Variants in TENM3 observed in about 807,000 individuals in gnomAD.
TENM3 encodes the protein teneurin-3.
A neutral mutation model predicts 255.1 loss-of-function variants in TENM3; 63 were observed. That is an observed-to-expected ratio of 0.25 (90% CI 0.20 to 0.30). The LOEUF is 0.30. Ranked by LOEUF, TENM3 falls within the 10% of genes least tolerant of loss-of-function variation. The pLI, the probability that TENM3 is intolerant of heterozygous loss-of-function variation, is 1.00. For missense variants in TENM3, 2,929 were observed against 3,461.1 expected (o/e 0.85, Z 3.86); for synonymous variants, 1,306 against 1,322.3 (o/e 0.99, Z 0.27).
chr4:182,245,647 A>G (rs1561237645), intron 1 of TENM3, among the ~76,000 whole-genome samples: 1 of 152,182 alleles, frequency 6.6e-6, no homozygotes, highest in Admixed American at 6.5e-5. Flanking sequence ...AGTCCCTGCC[A>G]GAATCTTTTG....
At chr4:182,155,096 G>A (rs962877018) in intron 1 of TENM3, among the ~76,000 whole-genome samples, 4 of 152,080 alleles carry the variant, frequency 2.6e-5, no homozygotes, top group African/African-American at 9.6e-5. Flanking sequence ...CAAGACAATT[G>A]GTTCTATTCA....
chr4:182,540,216 G>A (rs556989506), intron 3 of TENM3, among the ~76,000 whole-genome samples: 22 of 152,298 alleles, frequency 1.4e-4, no homozygotes, highest in South Asian at 1.0e-3. Context: ...ATGGTGGAGG[G>A]AGGAAGAGGG....
rs973338002 is a variant in TENM3, at chr4:182,565,719, A to G, written c.512-35205A>G. ...AGAAAACACATTTCTTGCTTGCTAT[A>G]TGTAGCAGGATTAGACATCTACAGC... On this transcript the variant is annotated intron_variant, in intron 3 of 27. Coordinates refer to ENST00000511685, the MANE Select transcript of TENM3 (RefSeq NM_001080477.4). 4.6e-5 allele frequency among the ~76,000 whole-genome samples: 7 copies of G among 152,320 alleles called. No individual in the cohort carries two copies. In the East Asian group the frequency reaches 9.6e-4, roughly 21 times the overall value.
intron 3 of TENM3, among the ~76,000 whole-genome samples, chr4:182,567,126 C>T (rs1304229085): frequency 3.9e-5 from 6 of 152,106 alleles, no homozygotes; most frequent in African/African-American, 1.2e-4. Context: ...AAACGTAGGT[C>T]GTAGAGCGCA....
chr4:182,509,976 A>G (rs901077305), intron 3 of TENM3, among the ~76,000 whole-genome samples: 2 of 151,490 alleles, frequency 1.3e-5, no homozygotes, highest in East Asian at 3.9e-4. Flanking sequence ...AGATACAGGT[A>G]TATTGTTTGT....
the TENM3 span, among the ~76,000 whole-genome samples, chr4:181,461,781 G>T: frequency 6.6e-6 from 1 of 151,870 alleles, no homozygotes; most frequent in Non-Finnish European, 1.5e-5. Context: ...TGAGTATCTG[G>T]TCTATATTTA....
At chr4:181,801,240 T>C in the TENM3 span, among the ~76,000 whole-genome samples, 2 of 49,832 alleles carry the variant, frequency 4.0e-5, no homozygotes, top group African/African-American at 9.8e-5. Context: ...TTTCTGTTTT[T>C]TGTTTGTTTG....
At chr4:181,562,625 T>TC in the TENM3 span, among the ~76,000 whole-genome samples, 1 of 152,146 alleles carries the variant, frequency 6.6e-6, no homozygotes, top group African/African-American at 2.4e-5. Context: ...ATAGCCACTT[T>TC]CCAGCCTGTG....
intron 3 of TENM3, among the ~76,000 whole-genome samples, chr4:182,355,455 A>G (rs1373201874): frequency 1.3e-5 from 2 of 152,150 alleles, no homozygotes; most frequent in African/African-American, 4.8e-5. Flanking sequence ...TGGAATATTA[A>G]CTGTCTTTCC....
At chr4:182,402,471 T>G (rs1769273965) in intron 3 of TENM3, among the ~76,000 whole-genome samples, 3 of 152,176 alleles carry the variant, frequency 2.0e-5, no homozygotes, top group Admixed American at 2.0e-4. Flanking sequence ...TGTACAGTAG[T>G]CAGTTTTCTG....
chr4:182,571,988 G>A (rs565114078), intron 3 of TENM3, among the ~76,000 whole-genome samples: 1 of 152,252 alleles, frequency 6.6e-6, no homozygotes, highest in African/African-American at 2.4e-5. Flanking sequence ...TGCAACCTCT[G>A]CCTCCTGGGT....
At chr4:181,611,799 A>G in the TENM3 span, among the ~76,000 whole-genome samples, 1 of 152,252 alleles carries the variant, frequency 6.6e-6, no homozygotes, top group African/African-American at 2.4e-5. Context: ...GCCAGGGTAC[A>G]GAAGGCACAG....
At chr4:181,997,770 ACACT>A in the TENM3 span, among the ~76,000 whole-genome samples, 1 of 152,184 alleles carries the variant, frequency 6.6e-6, no homozygotes, top group Admixed American at 6.6e-5. Flanking sequence ...GGAGACAATA[ACACT>A]CACCCTCTTC....
At chr4:182,684,326 T>C (rs1353862466) in intron 11 of TENM3, among the ~76,000 whole-genome samples, 1 of 150,066 alleles carries the variant, frequency 6.7e-6, no homozygotes, top group Non-Finnish European at 1.5e-5. Context: ...GTCTATCTAC[T>C]TTCCTGCCCA....
At chr4:181,949,405 G>A in the TENM3 span, among the ~76,000 whole-genome samples, 2 of 152,164 alleles carry the variant, frequency 1.3e-5, no homozygotes, top group African/African-American at 2.4e-5. Context: ...TTTGGCTTAT[G>A]AATGAAACCA....
the TENM3 span, among the ~76,000 whole-genome samples, chr4:181,559,952 A>G: frequency 3.0e-4 from 46 of 152,370 alleles, no homozygotes; most frequent in African/African-American, 1.1e-3. Context: ...TTTGGATCTT[A>G]AAACAGGAAT....
intron 3 of TENM3, among the ~76,000 whole-genome samples, chr4:182,352,862 G>T (rs552475493): frequency 1.3e-5 from 2 of 152,010 alleles, no homozygotes; most frequent in Non-Finnish European, 2.9e-5. Flanking sequence ...CAGCTATTTT[G>T]CAATCCAGAT....
the TENM3 span, among the ~76,000 whole-genome samples, chr4:181,661,283 C>A: frequency 6.6e-6 from 1 of 152,128 alleles, no homozygotes; most frequent in Non-Finnish European, 1.5e-5. Context: ...TCAGTTAAAC[C>A]CACAACTTAT....
the TENM3 span, among the ~76,000 whole-genome samples, chr4:181,692,675 G>A: frequency 1.3e-5 from 2 of 152,190 alleles, no homozygotes; most frequent in African/African-American, 4.8e-5. Context: ...TACTATGAGA[G>A]TAATACCAAA....
Sources: gnomAD v4.1 joint callset for allele counts (sites outside exome capture counted in the v4.1 genomes callset) on GRCh38, gnomAD v4.1.1 for gene constraint, MANE v1.5 for transcripts, NCBI Gene and HGNC (gene_info 2026-07-23, HGNC 2026-07-21) for gene names.